GPR155: variants seen among roughly 807,000 people sequenced by gnomAD.
The protein encoded by GPR155 is lysosomal cholesterol signaling protein.
GPR155 carries 65 observed loss-of-function variants against 93.1 expected under a neutral mutation model. The observed-to-expected ratio is 0.70, with a 90% confidence interval of 0.57 to 0.86. The LOEUF (loss-of-function observed/expected upper bound fraction) is 0.86. Ranked by LOEUF, GPR155 falls within the 40% of genes least tolerant of loss-of-function variation. The pLI is 0.00. For synonymous variants in GPR155, 319 were observed against 360.1 expected, an observed-to-expected ratio of 0.89 and a Z score of 1.29; for missense variants, 838 against 1,034.8, an observed-to-expected ratio of 0.81 and a Z score of 2.61.
Position 174,481,716 on chromosome 2 carries a change from C to G in GPR155, c.241G>C (p.Ala81Pro). 3.1e-6 allele frequency: 5 copies of G among 1,613,706 alleles called. No homozygotes were observed. Among genetic ancestry groups the G allele is most frequent in the Non-Finnish European group, 4.2e-6 (5 of 1,179,772 alleles). The change falls in exon 2 of 16, where the codon GCA becomes CCA. Residue 81 changes from alanine (A) to proline (P), a missense_variant. By Grantham distance (27) the Ala-to-Pro change is conservative. Transcript: ENST00000392552. The part of the protein sequence containing the change: ...KGLGNFVSRF[A>P]LPALLFKNMV... Reference sequence around the variant, plus strand: ...TTTTTGAATAATAAAGCTGGAAGTGCAAATCTGGAGACAAAATTTCCTAGT... The same window carrying G: ...TTTTTGAATAATAAAGCTGGAAGTGGAAATCTGGAGACAAAATTTCCTAGT...
rs148343376 is a variant in GPR155, at chr2:174,441,345, A to G, written c.2174+774T>C. On this transcript the variant is annotated intron_variant, in intron 14 of 15. Coordinates refer to ENST00000392552, the MANE Select transcript of GPR155 (RefSeq NM_152529.7). The stretch of plus-strand genomic sequence containing the variant: ...AAAAATACGTCCTAGTAAAAGTTTC[A>G]CCATACAAAGCCTAGGATAGGGGCA... Among the ~76,000 whole-genome samples, 75 of 151,940 alleles carry G rather than the reference A, an allele frequency of 4.9e-4. 1 individual carries two copies. Among genetic ancestry groups the G allele is most frequent in the African/African-American group, 1.6e-3 (68 of 41,510 alleles).
chr2:174,464,606 G>A (rs1477328066), intron 7 of GPR155, among the ~76,000 whole-genome samples: 1 of 151,534 alleles, frequency 6.6e-6, no homozygotes, highest in Non-Finnish European at 1.5e-5. Context: ...GGGTTTCAGA[G>A]AGACTTAGGA....
At chr2:174,443,646 C>T (rs923011406) in intron 13 of GPR155, among the ~76,000 whole-genome samples, 10 of 151,980 alleles carry the variant, frequency 6.6e-5, no homozygotes, top group Admixed American at 3.9e-4. Context: ...GGAGAACCAC[C>T]TGAACCCAGG....
chr2:174,451,281 T>A (rs1343888141), intron 11 of GPR155, among the ~76,000 whole-genome samples: 1 of 151,724 alleles, frequency 6.6e-6, no homozygotes. Flanking sequence ...GCCACTGCAC[T>A]CTAGCCTGGA....
chr2:174,435,975 G>A lies in GPR155; in HGVS notation c.*141C>T. 1.5e-6 allele frequency: 1 copy of A among 646,468 alleles called. No homozygotes were observed. The highest frequency in any genetic ancestry group is 2.7e-6 in the Non-Finnish European group (1 of 363,994). 40.0% of individuals were successfully genotyped at this position (646,468 alleles called of 1,614,324 possible). ...CACAGACCCTGCGCATGTGGTGGGAGCACATCTTTTCACATTTTACAGAAG... is the reference window on the plus strand; with the variant it reads ...CACAGACCCTGCGCATGTGGTGGGAACACATCTTTTCACATTTTACAGAAG... On this transcript the variant is annotated 3_prime_UTR_variant, in exon 16 of 16. Transcript: ENST00000392552.
At chr2:174,475,072 G>A (rs953069602) in intron 2 of GPR155, among the ~76,000 whole-genome samples, 2 of 151,406 alleles carry the variant, frequency 1.3e-5, no homozygotes, top group Non-Finnish European at 2.9e-5. Flanking sequence ...GAGGCGGGCG[G>A]ATCACGAGGT....
intron 2 of GPR155, among the ~76,000 whole-genome samples, chr2:174,479,960 T>C (rs1688273997): frequency 6.6e-6 from 1 of 152,228 alleles, no homozygotes. Flanking sequence ...TTATTTAACT[T>C]CTTAGGTGTT....
chr2:174,469,125 T>C, intron 4 of GPR155, 58 bp from the exon 5 acceptor site: 1 of 1,465,012 alleles, frequency 6.8e-7, no homozygotes, highest in Non-Finnish European at 9.5e-7. Flanking sequence ...TATTTTAAAC[T>C]TTAAATAACC....
intron 11 of GPR155, among the ~76,000 whole-genome samples, chr2:174,452,648 AC>A (rs1687354810): frequency 6.9e-6 from 1 of 144,488 alleles, no homozygotes; most frequent in Admixed American, 6.6e-5. Context: ...AAAGGTTATT[AC>A]TTTTTTTTTC....
At chr2:174,466,395 G>C (rs1015867300) in intron 6 of GPR155, 149 bp downstream of exon 6, 1 of 565,100 alleles carries the variant, frequency 1.8e-6, no homozygotes, top group Non-Finnish European at 3.2e-6. Flanking sequence ...TATGTTAGGC[G>C]TATAGTAGTT....
At chr2:174,446,811 G>T (rs1687147336) in intron 11 of GPR155, 64 bp from the exon 12 acceptor site, 3 of 1,436,500 alleles carry the variant, frequency 2.1e-6, no homozygotes, top group African/African-American at 1.4e-5. Flanking sequence ...TTTTAAATTT[G>T]TAATGACTTC....
chr2:174,476,381 A>G (rs1688166969), intron 2 of GPR155, among the ~76,000 whole-genome samples: 1 of 152,172 alleles, frequency 6.6e-6, no homozygotes, highest in Admixed American at 6.5e-5. Flanking sequence ...CAAGGCAGGC[A>G]GATCATGAGG....
intron 10 of GPR155, among the ~76,000 whole-genome samples, chr2:174,458,755 G>A (rs971927283): frequency 6.6e-6 from 1 of 152,138 alleles, no homozygotes; most frequent in African/African-American, 2.4e-5. Context: ...CGAAGTATTT[G>A]TCTTCTTTTA....
At chr2:174,439,172 A>T (rs1447224880) in intron 15 of GPR155, among the ~76,000 whole-genome samples, 1 of 151,988 alleles carries the variant, frequency 6.6e-6, no homozygotes, top group African/African-American at 2.4e-5. Context: ...TATGTAAATA[A>T]ATTATCCTCC....
At chr2:174,457,195 C>A in intron 10 of GPR155, among the ~76,000 whole-genome samples, 1 of 152,050 alleles carries the variant, frequency 6.6e-6, no homozygotes, top group Non-Finnish European at 1.5e-5. Context: ...ACCTGTAGAC[C>A]CGGCTACTTG....
intron 7 of GPR155, among the ~76,000 whole-genome samples, chr2:174,462,585 A>G (rs1187512187): frequency 6.6e-6 from 1 of 152,258 alleles, no homozygotes; most frequent in Admixed American, 6.5e-5. Flanking sequence ...CTGGAATTAT[A>G]GGCATAAGCC....
At chr2:174,442,646 G>A (rs1331385685) in intron 13 of GPR155, among the ~76,000 whole-genome samples, 1 of 152,230 alleles carries the variant, frequency 6.6e-6, no homozygotes, top group East Asian at 1.9e-4. Flanking sequence ...AGAGTTCAAG[G>A]ATTTGTGAGT....
chr2:174,486,019 G>A (rs1688467639), intron 1 of GPR155, among the ~76,000 whole-genome samples: 1 of 152,200 alleles, frequency 6.6e-6, no homozygotes, highest in African/African-American at 2.4e-5. Flanking sequence ...GAAAATGCGG[G>A]GGGAAGGCGA....
intron 11 of GPR155, among the ~76,000 whole-genome samples, chr2:174,451,514 A>G (rs1038921782): frequency 6.6e-6 from 1 of 152,096 alleles, no homozygotes; most frequent in African/African-American, 2.4e-5. Context: ...AATTTCCTTC[A>G]GGCTTTATTT....
Sources: gnomAD v4.1 joint callset for allele counts (sites outside exome capture counted in the v4.1 genomes callset) on GRCh38, gnomAD v4.1.1 for gene constraint, MANE v1.5 for transcripts, NCBI Gene and HGNC (gene_info 2026-07-23, HGNC 2026-07-21) for gene names.